ABCC12: variants seen among roughly 807,000 people sequenced by gnomAD.
ABCC12 encodes ATP-binding cassette sub-family C member 12.
ABCC12 carries 142 observed loss-of-function variants against 151.1 expected under a neutral mutation model. The ratio of observed to expected loss-of-function variants is 0.94; its 90% CI spans 0.82 to 1.08. The LOEUF (loss-of-function observed/expected upper bound fraction) is 1.08. Ranked by LOEUF, ABCC12 falls within the 50% of genes least tolerant of loss-of-function variation. The pLI is 0.00. For missense variants in ABCC12, 1,638 were observed against 1,691.1 expected (o/e 0.97, Z 0.55); for synonymous variants, 645 against 646.4 (o/e 1.00, Z 0.03).
At chr16:48,099,220 C>G (rs1388450854) in intron 23 of ABCC12, among the ~76,000 whole-genome samples, 1 of 152,044 alleles carries the variant, frequency 6.6e-6, no homozygotes, top group Non-Finnish European at 1.5e-5. Context: ...GAGTTTGAGA[C>G]CAGCCTGGCC....
Position 48,080,941 on chromosome 16 carries a change from C to A in ABCC12, c.*2774G>T, listed in dbSNP as rs1188886551. Among the ~76,000 whole-genome samples the A allele has an allele frequency of 6.6e-6, 1 of 152,168 alleles. No individual in the cohort carries two copies. The highest frequency in any genetic ancestry group is 2.4e-5 in the African/African-American group (1 of 41,442). On this transcript the variant is annotated 3_prime_UTR_variant, in exon 31 of 31. Coordinates refer to ENST00000311303, the MANE Select transcript of ABCC12 (RefSeq NM_001393797.1). ...TTCTGGACGCTGGGAAATCCATGGT[C>A]GAGGTGCCAACAGATTTGGTGTTGA...
At chr16:48,125,479 C>G (rs1021913146) in intron 11 of ABCC12, among the ~76,000 whole-genome samples, 5 of 152,134 alleles carry the variant, frequency 3.3e-5, no homozygotes, top group Non-Finnish European at 7.4e-5. Context: ...GGCACATGGG[C>G]AGGGACAACA....
chr16:48,116,089 C>T (rs1963874218), intron 14 of ABCC12, among the ~76,000 whole-genome samples: 1 of 152,224 alleles, frequency 6.6e-6, no homozygotes, highest in Non-Finnish European at 1.5e-5. Context: ...ACTCTAAGCA[C>T]TGTGGAGAGA....
chr16:48,098,128 CACACACACACAG>C (rs1374035034), intron 23 of ABCC12, among the ~76,000 whole-genome samples: 10 of 151,468 alleles, frequency 6.6e-5, no homozygotes, highest in African/African-American at 2.4e-4. Flanking sequence ...CACACACACA[CACACACACACAG>C]CATAGCCTTG....
rs565639318 is a variant in ABCC12, at chr16:48,132,119, A to G, written c.1129-1224T>C. Among the ~76,000 whole-genome samples the G allele has an allele frequency of 5.9e-5, 9 of 152,318 alleles. No homozygotes were observed. In the East Asian group the frequency reaches 1.7e-3, roughly 29 times the overall value. ...ATATGAACTACATGCTCTCAATTTG[A>G]TTTCAAGTTGATTTGCTTGATATGT... On this transcript the variant is annotated intron_variant, in intron 9 of 30. Coordinates refer to ENST00000311303, the MANE Select transcript of ABCC12 (RefSeq NM_001393797.1).
At chr16:48,091,548 T>G (rs1962895864) in intron 24 of ABCC12, among the ~76,000 whole-genome samples, 1 of 152,174 alleles carries the variant, frequency 6.6e-6, no homozygotes, top group Admixed American at 6.5e-5. Context: ...CTGCTGGCTA[T>G]CGGCCCCTTG....
chr16:48,087,660 C>T, intron 27 of ABCC12: 3 of 341,716 alleles, frequency 8.8e-6, no homozygotes, highest in South Asian at 8.5e-5. Flanking sequence ...GGAATATCTG[C>T]TCAGTGTATG....
intron 18 of ABCC12, among the ~76,000 whole-genome samples, chr16:48,109,502 C>T (rs1963613074): frequency 6.6e-6 from 1 of 152,206 alleles, no homozygotes; most frequent in Non-Finnish European, 1.5e-5. Context: ...CCGTACTTGG[C>T]TTTTATAAAC....
chr16:48,146,583 G>T, intron 2 of ABCC12, 109 bp from the exon 3 acceptor site: 1 of 617,974 alleles, frequency 1.6e-6, no homozygotes, highest in South Asian at 2.0e-5. Context: ...CCTGAGAACT[G>T]TTTTCACCAA....
chr16:48,141,123 C>A, intron 5 of ABCC12, 83 bp downstream of exon 5: 3 of 1,556,998 alleles, frequency 1.9e-6, no homozygotes, highest in Admixed American at 1.8e-5. Flanking sequence ...ACTAAACCCA[C>A]CAGCTCGTAG....
In ABCC12 at chr16:48,143,953, G is replaced by A. The variant is rs563197231; in HGVS notation, c.232C>T (p.Pro78Ser). The A allele has an allele frequency of 6.2e-7, 1 of 1,614,184 alleles. No individual in the cohort carries two copies. The highest frequency in any genetic ancestry group is 8.5e-7 in the Non-Finnish European group (1 of 1,180,022). The part of the protein sequence containing the change: ...YRQRLTVDTL[P>S]PLSTYDSSDT... ...GATGAGTCATATGTCGACAATGGGG[G>A]CAGGGTGTCTACGGTCAGCCTTTGC... The change falls in exon 4 of 31, where the codon CCC (proline) becomes TCC (serine). Residue 78 changes from proline (P) to serine (S), a missense_variant. Physicochemically the swap from Pro to Ser is moderately conservative, Grantham distance 74. Transcript: ENST00000311303.
At chr16:48,099,687 G>A (rs1476820983) in intron 23 of ABCC12, among the ~76,000 whole-genome samples, 4 of 152,178 alleles carry the variant, frequency 2.6e-5, no homozygotes, top group East Asian at 3.9e-4. Flanking sequence ...CTTCGCTAGG[G>A]TTGGACCATA....
In ABCC12 at chr16:48,100,469, G is replaced by A. The variant is rs911342880; in HGVS notation, c.3038+403C>T. ...AAATTTAAGAAATGATTATAAATAA[G>A]AAGAAAAAGAAGACGCCATGAATAG... On this transcript the variant is annotated intron_variant, in intron 23 of 30. Coordinates refer to ENST00000311303, the MANE Select transcript of ABCC12 (RefSeq NM_001393797.1). Among the ~76,000 whole-genome samples, 10 of 151,916 alleles carry A rather than the reference G, an allele frequency of 6.6e-5. No homozygotes were observed. In the South Asian group the frequency reaches 2.1e-3, roughly 32 times the overall value.
At chr16:48,121,626 C>G in intron 13 of ABCC12, 90 bp downstream of exon 13, 1 of 1,505,520 alleles carries the variant, frequency 6.6e-7, no homozygotes, top group East Asian at 2.3e-5. Flanking sequence ...ACTCAGAACC[C>G]ACTTAGCAGT....
Position 48,111,417 on chromosome 16 carries a change from G to A in ABCC12, c.2281+19C>T, listed in dbSNP as rs148136362. 76 of 1,609,678 alleles carry A rather than the reference G, an allele frequency of 4.7e-5. No homozygotes were observed. The African/African-American group carries it at 6.3e-4, about 13-fold the overall frequency. ...TACATCCTTAAGTGTATGTGACTGA[G>A]GGGATGTGTGGTAAATACCTTTTGT... is the stretch of plus-strand genomic sequence containing the variant. On this transcript the variant is annotated intron_variant, in intron 18 of 30. Coordinates refer to ENST00000311303, the MANE Select transcript of ABCC12 (RefSeq NM_001393797.1).
chr16:48,150,394 A>G (rs1302797137), intron 2 of ABCC12, among the ~76,000 whole-genome samples: 1 of 152,216 alleles, frequency 6.6e-6, no homozygotes, highest in African/African-American at 2.4e-5. Context: ...TGAGTTTGGC[A>G]TATTACTATT....
At chr16:48,147,107 T>G (rs1184150812) in intron 2 of ABCC12, among the ~76,000 whole-genome samples, 1 of 152,112 alleles carries the variant, frequency 6.6e-6, no homozygotes, top group Non-Finnish European at 1.5e-5. Context: ...CAGCCACATC[T>G]GGACAGGCCC....
rs534448004 is a variant in ABCC12, at chr16:48,111,165, G to T, written c.2281+271C>A. 8.9e-4 allele frequency among the ~76,000 whole-genome samples: 136 copies of T among 152,306 alleles called. 1 individual carries two copies. Among genetic ancestry groups the T allele is most frequent in the Non-Finnish European group, 9.0e-4 (61 of 68,032 alleles). ...TCATTTTCTCATTTAATCTTTACAA[G>T]AAATTGTGGTTGGTACTACTTCCTC... On this transcript the variant is annotated intron_variant, in intron 18 of 30. Transcript: ENST00000311303.
At chr16:48,104,407 C>T (rs761245146) in intron 21 of ABCC12, 39 bp from the exon 22 acceptor site, 22 of 1,581,444 alleles carry the variant, frequency 1.4e-5, no homozygotes, top group Admixed American at 1.7e-5. Flanking sequence ...AGTCGAGATG[C>T]GTGCTTAGTA....
Sources: allele counts gnomAD v4.1 joint callset (sites outside exome capture counted in the v4.1 genomes callset), GRCh38; gene constraint gnomAD v4.1.1; transcripts MANE v1.5; gene names NCBI Gene and HGNC (gene_info 2026-07-23, HGNC 2026-07-21).